UNC13A: variants seen among roughly 807,000 people sequenced by gnomAD.
The protein encoded by UNC13A is unc-13 homolog A, also known as protein unc-13 homolog A.
A neutral mutation model predicts 219.7 loss-of-function variants in UNC13A; 61 were observed. The ratio of observed to expected loss-of-function variants is 0.28; its 90% CI spans 0.23 to 0.34. The LOEUF is 0.34. UNC13A is among the 10% of genes least tolerant of loss of function. The pLI is 1.00. For missense variants in UNC13A, 1,476 were observed against 2,270.3 expected (o/e 0.65, Z 7.11); for synonymous variants, 920 against 884.6 (o/e 1.04, Z -0.71).
At position 17,649,765 on chromosome 19, in the gene UNC13A, T is replaced by C. The variant is rs1416969493; in HGVS notation, c.1440-178A>G. On this transcript the variant is annotated intron_variant, in intron 12 of 43. Transcript: ENST00000519716. This position sits in a 1 kb window ranked among gnomAD's most constrained non-coding sequence, Gnocchi z 4.4. ...AAGGTGACCTTACTTGGAAACGGGGTTGTCACAGATGTAATTAGTTAAGAT... is the reference window on the plus strand; with the variant it reads ...AAGGTGACCTTACTTGGAAACGGGGCTGTCACAGATGTAATTAGTTAAGAT... Among the ~76,000 whole-genome samples, 1 of 152,046 alleles carries C rather than the reference T, an allele frequency of 6.6e-6. No homozygotes were observed. Among genetic ancestry groups the C allele is most frequent in the Admixed American group, 6.6e-5 (1 of 15,262 alleles).
Position 17,649,497 on chromosome 19 carries a change from G to C in UNC13A, c.1518+12C>G, listed in dbSNP as rs765812334. The C allele has an allele frequency of 1.9e-6, 3 of 1,613,918 alleles. No homozygotes were observed. The highest frequency in any genetic ancestry group is 2.5e-6 in the Non-Finnish European group (3 of 1,179,868). On this transcript the variant is annotated intron_variant, in intron 13 of 43. Coordinates refer to ENST00000519716, the MANE Select transcript of UNC13A (RefSeq NM_001080421.3). The surrounding 1 kb of genome is among the most constrained non-coding windows in gnomAD (Gnocchi z 4.4). ...CTGCTCTGCTCAGGGAGTAAAGGGC[G>C]AGGGTGCTTACCAAGTCGCTCACGA...
intron 1 of UNC13A, among the ~76,000 whole-genome samples, chr19:17,682,566 C>T (rs1012946371): frequency 5.9e-5 from 9 of 152,088 alleles, no homozygotes; most frequent in Non-Finnish European, 1.2e-4. Context: ...TAGGCTGCAG[C>T]CCTGAAGATG....
In UNC13A at chr19:17,656,314, C is replaced by G. The variant is rs768640284; in HGVS notation, c.852G>C (p.Glu284Asp). The change falls in exon 10 of 44, where the codon GAG becomes GAC. Residue 284 changes from glutamate to aspartate, a missense_variant. By Grantham distance (45) the Glu-to-Asp change is conservative. Coordinates refer to ENST00000519716, the MANE Select transcript of UNC13A (RefSeq NM_001080421.3). ...CCATGTCGGAGCCCTGCAGGCTGTG[C>G]TCGTCAGGGTCGAAGTCCTCGCTCA... ...SQLSEDFDPD[E>D]HSLQGSDMED... is the part of the protein sequence containing the mutation. 6.4e-7 allele frequency: 1 copy of G among 1,555,578 alleles called. No homozygotes were observed. Among genetic ancestry groups the G allele is most frequent in the African/African-American group, 1.4e-5 (1 of 73,296 alleles).
intron 41 of UNC13A, among the ~76,000 whole-genome samples, chr19:17,616,647 G>T (rs1335816073): frequency 6.6e-6 from 1 of 152,090 alleles, no homozygotes; most frequent in Non-Finnish European, 1.5e-5. Flanking sequence ...GCAGACAGAC[G>T]GAGAGACAGA....
chr19:17,673,329 CCTGGG>C (rs2079827725), intron 3 of UNC13A, among the ~76,000 whole-genome samples: 1 of 145,374 alleles, frequency 6.9e-6, no homozygotes, highest in African/African-American at 2.6e-5. Context: ...TGCACTCCAG[CCTGGG>C]CAACAAAAGC....
chr19:17,645,209 AT>A lies in UNC13A; in HGVS notation c.2356+464del, dbSNP rs1322102197. Reference sequence around the variant, plus strand: ...TTTTTAGTGGAGACGGGGTTTCACCATGTTAGCCAGGCTGGTCTCGAACTCC... The same window carrying A: ...TTTTTAGTGGAGACGGGGTTTCACCAGTTAGCCAGGCTGGTCTCGAACTCC... On this transcript the variant is annotated intron_variant, in intron 19 of 43. Transcript: ENST00000519716. Among the ~76,000 whole-genome samples the A allele has an allele frequency of 2.8e-4, 42 of 151,602 alleles. No homozygotes were observed. The Middle Eastern group carries it at 0.014, about 49-fold the overall frequency.
Position 17,649,654 on chromosome 19 carries a change from A to G in UNC13A, c.1440-67T>C, listed in dbSNP as rs2079308441. On this transcript the variant is annotated intron_variant, in intron 12 of 43. Transcript: ENST00000519716. The surrounding 1 kb of genome is among the most constrained non-coding windows in gnomAD (Gnocchi z 4.4). The stretch of plus-strand genomic sequence containing the variant: ...TTCCTCACATAGAGCCCTGGGGAGA[A>G]CATTCAACCTCCCCCAGGTGTTAAG... The G allele has an allele frequency of 2.6e-6, 4 of 1,558,872 alleles. No individual in the cohort carries two copies. The highest frequency in any genetic ancestry group is 3.5e-6 in the Non-Finnish European group (4 of 1,130,886).
At chr19:17,613,161 G>A (rs982326362) in intron 41 of UNC13A, among the ~76,000 whole-genome samples, 10 of 152,068 alleles carry the variant, frequency 6.6e-5, no homozygotes, top group African/African-American at 2.4e-4. Flanking sequence ...GAACCTGGGA[G>A]GCAGAGGTTG....
chr19:17,661,994 C>A (rs1250425450), intron 8 of UNC13A, among the ~76,000 whole-genome samples: 1 of 152,126 alleles, frequency 6.6e-6, no homozygotes, highest in Non-Finnish European at 1.5e-5. Flanking sequence ...GTAATCCCAG[C>A]CCTTTGGGAG....
At chr19:17,675,863 C>T in intron 2 of UNC13A, 149 bp downstream of exon 2, 1 of 1,065,130 alleles carries the variant, frequency 9.4e-7, no homozygotes, top group Non-Finnish European at 1.4e-6. Flanking sequence ...GGCTGCCCCT[C>T]CCCCTATTTA....
At chr19:17,659,074 GA>G (rs57430221) in intron 8 of UNC13A, among the ~76,000 whole-genome samples, 1 of 151,306 alleles carries the variant, frequency 6.6e-6, no homozygotes, top group African/African-American at 2.4e-5. Flanking sequence ...TGTACCTTCT[GA>G]AAAAAAAGAT....
At chr19:17,616,311 T>G in intron 41 of UNC13A, 1 of 632,200 alleles carries the variant, frequency 1.6e-6, no homozygotes, top group Non-Finnish European at 2.9e-6. Context: ...TGCAGGCCCT[T>G]GAGGCAGAAG....
rs765921055 is a variant in UNC13A, at chr19:17,623,544, T to C, written c.4201A>G (p.Ile1401Val). The C allele has an allele frequency of 2.2e-6, 3 of 1,388,928 alleles. No individual in the cohort carries two copies. The highest frequency in any genetic ancestry group is 1.4e-5 in the South Asian group (1 of 71,346). The allele number at this position is 1,388,928 out of a possible 1,614,324, so 86.0% of individuals were successfully genotyped here. The change falls in exon 36 of 44, where the codon ATC becomes GTC. Residue 1401 changes from isoleucine to valine, a missense_variant and splice_region_variant. This residue lies in a region of UNC13A where 75 missense variants were observed against 100.2 expected (regional missense o/e 0.75). Transcript: ENST00000519716. ...CGGACAGACGGGACTCTACTTACGA[T>C]CATCTGTCATCCGTGATGGGGGCGG... is the stretch of plus-strand genomic sequence containing the variant. Reference protein sequence around the residue: ...VLPPLTDQTMIGNLLRKHGKG... With the variant: ...VLPPLTDQTMVGNLLRKHGKG...
chr19:17,681,002 C>T (rs543392938), intron 1 of UNC13A, among the ~76,000 whole-genome samples: 1 of 138,446 alleles, frequency 7.2e-6, no homozygotes, highest in Non-Finnish European at 1.5e-5. Flanking sequence ...CAGGTTCAAG[C>T]GATCCTCCCC....
intron 1 of UNC13A, among the ~76,000 whole-genome samples, chr19:17,681,976 G>A (rs962584886): frequency 5.0e-5 from 7 of 140,674 alleles, no homozygotes; most frequent in Admixed American, 1.4e-4. Flanking sequence ...TTTTTTTGAC[G>A]GAGTCTCACT....
Position 17,649,006 on chromosome 19 carries a change from A to G in UNC13A, c.1525-23T>C. 17 of 1,581,660 alleles carry G rather than the reference A, an allele frequency of 1.1e-5. No individual in the cohort carries two copies. The highest frequency in any genetic ancestry group is 1.5e-5 in the Non-Finnish European group (17 of 1,165,582). ...GGACTGGGGAGGTCACAGAAGAGGGAGTCGGGGGGGTTGACATCCATGAGA... is the reference window on the plus strand; with the variant it reads ...GGACTGGGGAGGTCACAGAAGAGGGGGTCGGGGGGGTTGACATCCATGAGA... On this transcript the variant is annotated intron_variant, in intron 14 of 43. Coordinates refer to ENST00000519716, the MANE Select transcript of UNC13A (RefSeq NM_001080421.3). This position sits in a 1 kb window ranked among gnomAD's most constrained non-coding sequence, Gnocchi z 4.4.
intron 12 of UNC13A, among the ~76,000 whole-genome samples, chr19:17,652,210 C>T (rs537297690): frequency 2.5e-4 from 38 of 152,294 alleles, no homozygotes; most frequent in South Asian, 1.9e-3. Flanking sequence ...CAGCTCACTA[C>T]AACCTCTGCC....
At chr19:17,671,337 C>A (rs921726006) in intron 4 of UNC13A, among the ~76,000 whole-genome samples, 21 of 152,058 alleles carry the variant, frequency 1.4e-4, no homozygotes, top group African/African-American at 5.1e-4. Context: ...GGGCAGGTGC[C>A]ATCTGAAGGG....
Position 17,649,598 on chromosome 19 carries a change from C to G in UNC13A, c.1440-11G>C, listed in dbSNP as rs747994935. The stretch of plus-strand genomic sequence containing the variant: ...AGACCGCCCCCTGGGCTGAAAGACA[C>G]AGAGGGACACTGAGGGCCCAGATGT... On this transcript the variant is annotated splice_polypyrimidine_tract_variant and intron_variant, in intron 12 of 43. Coordinates refer to ENST00000519716, the MANE Select transcript of UNC13A (RefSeq NM_001080421.3). The surrounding 1 kb of genome is among the most constrained non-coding windows in gnomAD (Gnocchi z 4.4). 1 of 1,613,838 alleles carries G rather than the reference C, an allele frequency of 6.2e-7. No homozygotes were observed. The highest frequency in any genetic ancestry group is 2.2e-5 in the East Asian group (1 of 44,882).
Sources: allele counts gnomAD v4.1 joint callset (sites outside exome capture counted in the v4.1 genomes callset), GRCh38; gene constraint gnomAD v4.1.1; regional missense constraint gnomAD v4.1.1; non-coding constraint Gnocchi (gnomAD v3.1); transcripts MANE v1.5; gene names NCBI Gene and HGNC (gene_info 2026-07-23, HGNC 2026-07-21).